The following TMEM40 variants were observed in gnomAD, a reference collection of about 807,000 sequenced individuals.
TMEM40 encodes the protein transmembrane protein 40.
Under a neutral mutation model 40.8 loss-of-function variants are expected in TMEM40, and 34 were observed. The observed-to-expected ratio is 0.83, with a 90% CI of 0.63 to 1.11. The LOEUF (loss-of-function observed/expected upper bound fraction) is 1.11, where lower values mean the gene tolerates loss of function less well. TMEM40 is among the 50% of genes least tolerant of loss of function. TMEM40 has a pLI of 0.00. For synonymous variants in TMEM40, 106 were observed against 107.0 expected, an observed-to-expected ratio of 0.99 and a Z score of 0.06; for missense variants, 296 against 280.2, an observed-to-expected ratio of 1.06 and a Z score of -0.40.
intron 6 of TMEM40, 64 bp from the exon 7 acceptor site, chr3:12,738,232 CCCTGGGGAAGG>C: frequency 6.3e-7 from 1 of 1,591,660 alleles, no homozygotes; most frequent in Non-Finnish European, 8.6e-7. Flanking sequence ...GGTGCCTCCA[CCCTGGGGAAGG>C]CTATAGGTGA....
chr3:12,759,257 G>C lies in TMEM40; in HGVS notation c.-75C>G, dbSNP rs898442973. On this transcript the variant is annotated 5_prime_UTR_variant, in exon 1 of 12. Coordinates refer to ENST00000314124, the MANE Select transcript of TMEM40 (RefSeq NM_018306.4). ...TGTAGACTATGTGGATGCTGGGCTG[G>C]TCAGGGGAAGGAGAGGACAGGCTGC... 2.6e-5 allele frequency: 4 copies of C among 152,460 alleles called. No individual in the cohort carries two copies. The highest frequency in any genetic ancestry group is 4.8e-5 in the African/African-American group (2 of 41,430). The allele number at this position is 152,460 out of a possible 1,614,324, so 9.4% of individuals were successfully genotyped here.
In TMEM40 at chr3:12,734,601, C is replaced by T. The variant is rs959301594; in HGVS notation, c.*173G>A. The T allele has an allele frequency of 2.7e-6, 2 of 735,216 alleles. No individual in the cohort carries two copies. The highest frequency in any genetic ancestry group is 4.5e-6 in the Non-Finnish European group (2 of 445,724). 45.5% of individuals were successfully genotyped at this position (735,216 alleles called of 1,614,324 possible). A position where few individuals can be genotyped will look rare whatever the true frequency, so the allele number is the denominator to read the frequency against. ...CAGCAGTACTGCCCAAATGAGATGC[C>T]CCTGCCCGGGCTGGTGCCAACATTC... On this transcript the variant is annotated 3_prime_UTR_variant, in exon 12 of 12. Coordinates refer to ENST00000314124, the MANE Select transcript of TMEM40 (RefSeq NM_018306.4).
intron 1 of TMEM40, among the ~76,000 whole-genome samples, chr3:12,753,039 G>A (rs975179230): frequency 6.6e-6 from 1 of 152,042 alleles, no homozygotes; most frequent in East Asian, 1.9e-4. Context: ...TTGAGTAATT[G>A]TTCCCATAGC....
At chr3:12,765,568 T>G (rs1330366752) in intron 1 of TMEM40, among the ~76,000 whole-genome samples, 1 of 22,482 alleles carries the variant, frequency 4.4e-5, no homozygotes, top group Non-Finnish European at 1.1e-4. Flanking sequence ...TTTGATTACT[T>G]TTTTTTTTTT....
chr3:12,734,672 T>A lies in TMEM40; in HGVS notation c.*102A>T, dbSNP rs2061325266. On this transcript the variant is annotated 3_prime_UTR_variant, in exon 12 of 12. Transcript: ENST00000314124. ...TGTTCTGTTTATTGGTCTGGCTTGG[T>A]CTCCTGTGCGTCTCTCAGAATGCTG... 1 of 1,353,490 alleles carries A rather than the reference T, an allele frequency of 7.4e-7. No homozygotes were observed. Among genetic ancestry groups the A allele is most frequent in the Non-Finnish European group, 1.0e-6 (1 of 979,248 alleles). The allele number at this position is 1,353,490 out of a possible 1,614,324, so 83.8% of individuals were successfully genotyped here. A position where few individuals can be genotyped will look rare whatever the true frequency, so the allele number is the denominator to read the frequency against.
intron 10 of TMEM40, 32 bp from the exon 11 acceptor site, chr3:12,735,649 G>A: frequency 6.2e-7 from 1 of 1,602,470 alleles, no homozygotes; most frequent in Non-Finnish European, 8.5e-7. Flanking sequence ...AGTAAGTTAA[G>A]TTTGTGCCCC....
chr3:12,753,211 C>CTTTTTTTTTTTTTTTTTTTTTTTTT (rs56739791), intron 1 of TMEM40, among the ~76,000 whole-genome samples: 11 of 76,294 alleles, frequency 1.4e-4, no homozygotes, highest in South Asian at 4.9e-4. Flanking sequence ...TTCTTTCTTT[C>CTTTTTTTTTTTTTTTTTTTTTTTTT]TTTTTTTTTT....
At position 12,743,915 on chromosome 3, in the gene TMEM40, C is replaced by T. The variant is rs145443570; in HGVS notation, c.286G>A (p.Gly96Arg). Residue 96 changes from glycine (G) to arginine (R), a missense_variant, in exon 4 of 12, where the codon GGG (glycine) becomes AGG (arginine). Physicochemically the swap from Gly to Arg is moderately radical, Grantham distance 125 (BLOSUM62 -2). Coordinates refer to ENST00000314124, the MANE Select transcript of TMEM40 (RefSeq NM_018306.4). ...TATTTCCTACCGGGTGAGCCGTTCC[C>T]GTGGGGGTATCCAGCCCCCAGGCTC... Reference protein sequence around the residue: ...RRSLGAGYPHGNGSPGPGHGE... With the variant: ...RRSLGAGYPHRNGSPGPGHGE... 9.9e-5 allele frequency: 160 copies of T among 1,613,158 alleles called. No individual in the cohort carries two copies. The highest frequency in any genetic ancestry group is 1.3e-4 in the Non-Finnish European group (148 of 1,179,730).
Position 12,737,748 on chromosome 3 carries a change from A to G in TMEM40, c.431T>C (p.Val144Ala). Residue 144 changes from valine to alanine, a missense_variant, in exon 8 of 12, where the codon GTG becomes GCG. Physicochemically the swap from Val to Ala is moderately conservative, Grantham distance 64. Coordinates refer to ENST00000314124, the MANE Select transcript of TMEM40 (RefSeq NM_018306.4). ...RRGSDPASGE[V>A]EASQLRRLNI... is the part of the protein sequence containing the mutation. ...CAGTCTTCTTAACTGAGAGGCCTCC[A>G]CTTCTCCTTAAGAACAAGAGAGAGA... 1 of 1,613,942 alleles carries G rather than the reference A, an allele frequency of 6.2e-7. No homozygotes were observed. The highest frequency in any genetic ancestry group is 1.3e-5 in the African/African-American group (1 of 75,054).
intron 1 of TMEM40, among the ~76,000 whole-genome samples, chr3:12,766,859 C>T (rs2061596769): frequency 1.4e-5 from 2 of 145,388 alleles, no homozygotes; most frequent in African/African-American, 5.7e-5. Flanking sequence ...GGACCAGGAC[C>T]CAGATCTCCT....
rs1243831377 is a variant in TMEM40, at chr3:12,734,524, G to A, written c.*250C>T. On this transcript the variant is annotated 3_prime_UTR_variant, in exon 12 of 12. Transcript: ENST00000314124. ...TTCCTGCTGGTCCAGGTACTGTGAA[G>A]CCTCAGGCCCCACACCCACCCTCTG... 3.9e-6 allele frequency: 2 copies of A among 515,400 alleles called. No individual in the cohort carries two copies. The highest frequency in any genetic ancestry group is 1.9e-5 in the African/African-American group (1 of 52,324). The allele number at this position is 515,400 out of a possible 1,614,324, so 31.9% of individuals were successfully genotyped here.
At chr3:12,763,043 C>G (rs1350923141), upstream of TMEM40, among the ~76,000 whole-genome samples, 6 of 148,524 alleles carry the variant, frequency 4.0e-5, no homozygotes, top group African/African-American at 1.6e-4. Context: ...TCCCGTAGTC[C>G]CAGCTACTCG....
intron 1 of TMEM40, among the ~76,000 whole-genome samples, chr3:12,751,374 C>T (rs151238246): frequency 0.016 from 2,388 of 151,050 alleles, 62 homozygotes; most frequent in African/African-American, 0.052. Flanking sequence ...CTCTGCCTCC[C>T]GGATTCAAGT....
At chr3:12,751,662 G>C (rs114423776) in intron 1 of TMEM40, among the ~76,000 whole-genome samples, 3 of 152,094 alleles carry the variant, frequency 2.0e-5, no homozygotes, top group African/African-American at 7.2e-5. Context: ...AAAATGCATC[G>C]ATATCGAGAT....
chr3:12,752,133 G>A (rs2061482379), intron 1 of TMEM40, among the ~76,000 whole-genome samples: 1 of 152,044 alleles, frequency 6.6e-6, no homozygotes, highest in Non-Finnish European at 1.5e-5. Context: ...CTATCACCCA[G>A]GCTAAAGTGC....
rs2061423537 is a variant in TMEM40 at position 12,745,891 on chromosome 3, TCTTTTG to T, written c.212-1908_212-1903del. 1.3e-4 allele frequency among the ~76,000 whole-genome samples: 20 copies of T among 150,996 alleles called. 1 individual carries two copies. Among genetic ancestry groups the T allele is most frequent in the African/African-American group, 2.7e-4 (11 of 40,418 alleles). On this transcript the variant is annotated intron_variant, in intron 3 of 11. Transcript: ENST00000314124. ...GAGCTAAATACACCTCTTTTCTTTT[TCTTTTG>T]CTTTTTCTTTTTTTTTTTGAAACGG...
chr3:12,747,325 G>A (rs2061437055), intron 3 of TMEM40, among the ~76,000 whole-genome samples: 1 of 152,136 alleles, frequency 6.6e-6, no homozygotes, highest in East Asian at 1.9e-4. Flanking sequence ...GACCTCCGGG[G>A]AATCCCAAGT....
At chr3:12,743,405 T>G (rs1450566000) in intron 4 of TMEM40, among the ~76,000 whole-genome samples, 1 of 152,086 alleles carries the variant, frequency 6.6e-6, no homozygotes. Flanking sequence ...AGGTGGAGGT[T>G]GTGGTGAGCT....
intron 2 of TMEM40, among the ~76,000 whole-genome samples, chr3:12,749,271 G>T (rs1234624453): frequency 6.6e-6 from 1 of 152,226 alleles, no homozygotes; most frequent in African/African-American, 2.4e-5. Context: ...TGATCTGCCC[G>T]CCTCGGCCTC....
Sources: allele counts gnomAD v4.1 joint callset (sites outside exome capture counted in the v4.1 genomes callset), GRCh38; gene constraint gnomAD v4.1.1; transcripts MANE v1.5; gene names NCBI Gene and HGNC (gene_info 2026-07-23, HGNC 2026-07-21).